NUBPL: variants seen among roughly 807,000 people sequenced by gnomAD.
NUBPL encodes NUBP iron-sulfur cluster assembly factor, mitochondrial.
Under a neutral mutation model 45.7 loss-of-function variants are expected in NUBPL, and 31 were observed. The observed-to-expected ratio is 0.68, with a 90% CI of 0.51 to 0.92. NUBPL has a LOEUF of 0.92. NUBPL is among the 40% of genes least tolerant of loss of function. The pLI is 0.00. For synonymous variants in NUBPL, 144 were observed against 140.9 expected (o/e 1.02, Z -0.15); for missense variants, 401 against 398.7 (o/e 1.01, Z -0.05).
At chr14:31,789,304 C>T (rs60169988) in intron 7 of NUBPL, among the ~76,000 whole-genome samples, 8,316 of 140,106 alleles carry the variant, frequency 0.059, 689 homozygotes, top group African/African-American at 0.19. Flanking sequence ...CCAGCCTGGG[C>T]GACAGAGTGA....
intron 3 of NUBPL, among the ~76,000 whole-genome samples, chr14:31,582,748 A>T (rs1421779741): frequency 6.6e-6 from 1 of 152,206 alleles, no homozygotes; most frequent in Non-Finnish European, 1.5e-5. Flanking sequence ...TATAAACGAT[A>T]CATGTTTTGA....
intron 4 of NUBPL, among the ~76,000 whole-genome samples, chr14:31,629,335 A>G (rs2035284475): frequency 6.6e-6 from 1 of 152,222 alleles, no homozygotes; most frequent in African/African-American, 2.4e-5. Flanking sequence ...GTCTAATGTC[A>G]GGAAATACCT....
chr14:31,681,644 G>T (rs2139834278), intron 6 of NUBPL, among the ~76,000 whole-genome samples: 1 of 151,718 alleles, frequency 6.6e-6, no homozygotes, highest in African/African-American at 2.4e-5. Context: ...TTAAATAATT[G>T]ATTTAAATTT....
chr14:31,699,964 T>C (rs1040331279), intron 6 of NUBPL, among the ~76,000 whole-genome samples: 1 of 152,196 alleles, frequency 6.6e-6, no homozygotes, highest in Non-Finnish European at 1.5e-5. Flanking sequence ...GTTAAGTATG[T>C]GAGGTGATGA....
At chr14:31,849,253 C>T (rs927032230) in intron 9 of NUBPL, among the ~76,000 whole-genome samples, 6 of 152,154 alleles carry the variant, frequency 3.9e-5, no homozygotes, top group Admixed American at 3.9e-4. Context: ...GCACCACATA[C>T]ACGTATGTTT....
In NUBPL at chr14:31,690,772, CAGA is replaced by C. The variant is rs2037075375; in HGVS notation, c.513+17199_513+17201del. ...ATAAAAGATGAGGGATGAAGGGTTTCAGATATGCACCTCAGAGAAATTCAAGAC... is the reference window on the plus strand; with the variant it reads ...ATAAAAGATGAGGGATGAAGGGTTTCTATGCACCTCAGAGAAATTCAAGAC... On this transcript the variant is annotated intron_variant, in intron 6 of 10. Coordinates refer to ENST00000281081, the MANE Select transcript of NUBPL (RefSeq NM_025152.3). Among the ~76,000 whole-genome samples, 3 of 152,222 alleles carry C rather than the reference CAGA, an allele frequency of 2.0e-5. No homozygotes were observed. In the South Asian group the frequency reaches 6.2e-4, roughly 32 times the overall value.
chr14:31,705,896 G>A (rs1002902967), intron 6 of NUBPL, among the ~76,000 whole-genome samples: 1 of 152,166 alleles, frequency 6.6e-6, no homozygotes, highest in Admixed American at 6.5e-5. Flanking sequence ...CCAGTGCAGG[G>A]CCTGCCGAGC....
intron 6 of NUBPL, among the ~76,000 whole-genome samples, chr14:31,731,656 C>T (rs2038050214): frequency 6.6e-6 from 1 of 152,202 alleles, no homozygotes; most frequent in Admixed American, 6.5e-5. Flanking sequence ...GCTTATATAG[C>T]TGGACAGCTG....
intron 4 of NUBPL, among the ~76,000 whole-genome samples, chr14:31,625,550 A>G (rs2139647100): frequency 6.8e-6 from 1 of 147,838 alleles, no homozygotes; most frequent in East Asian, 2.0e-4. Flanking sequence ...ATCTCTGCTC[A>G]CTGCAACCTC....
intron 7 of NUBPL, among the ~76,000 whole-genome samples, chr14:31,811,179 G>A (rs905345097): frequency 6.6e-6 from 1 of 152,104 alleles, no homozygotes; most frequent in Non-Finnish European, 1.5e-5. Context: ...TGCTGGGCTG[G>A]GGAAGTTCTC....
intron 4 of NUBPL, among the ~76,000 whole-genome samples, chr14:31,672,643 A>G (rs1202343241): frequency 1.3e-5 from 2 of 152,082 alleles, no homozygotes; most frequent in East Asian, 3.9e-4. Flanking sequence ...TTGTATTTTT[A>G]GTAGAGACAG....
At chr14:31,856,282 A>T (rs1027150579) in intron 10 of NUBPL, among the ~76,000 whole-genome samples, 1 of 152,084 alleles carries the variant, frequency 6.6e-6, no homozygotes, top group Admixed American at 6.5e-5. Context: ...ATTCACTGTT[A>T]TGAGAACAGC....
intron 6 of NUBPL, among the ~76,000 whole-genome samples, chr14:31,760,144 T>TGTGTGTGTGTGTGAGA: frequency 0.34 from 11,960 of 35,030 alleles, 3,336 homozygotes; most frequent in East Asian, 0.57. Context: ...TGTGTGTGTG[T>TGTGTGTGTGTGTGAGA]GAGAGAGAGA....
At chr14:31,659,313 A>C (rs1053761143) in intron 4 of NUBPL, among the ~76,000 whole-genome samples, 8 of 152,184 alleles carry the variant, frequency 5.3e-5, no homozygotes, top group Non-Finnish European at 1.0e-4. Flanking sequence ...CTTGGAGATG[A>C]CATATAGTTT....
At chr14:31,691,708 C>T (rs1275174041) in intron 6 of NUBPL, among the ~76,000 whole-genome samples, 2 of 152,086 alleles carry the variant, frequency 1.3e-5, no homozygotes, top group Non-Finnish European at 2.9e-5. Flanking sequence ...GGAAATGAGG[C>T]GAACATTAGA....
At chr14:31,706,416 A>C (rs2037453638) in intron 6 of NUBPL, among the ~76,000 whole-genome samples, 1 of 152,240 alleles carries the variant, frequency 6.6e-6, no homozygotes, top group African/African-American at 2.4e-5. Context: ...AAATTTGACA[A>C]GAAGGTTAAA....
chr14:31,775,337 C>CA (rs2039079863), intron 6 of NUBPL, among the ~76,000 whole-genome samples: 1 of 152,168 alleles, frequency 6.6e-6, no homozygotes, highest in South Asian at 2.1e-4. Context: ...AGACTCGCTT[C>CA]AACCTGGGAG....
At chr14:31,638,068 G>C (rs569585285) in intron 4 of NUBPL, among the ~76,000 whole-genome samples, 1,551 of 152,108 alleles carry the variant, frequency 0.01, 27 homozygotes, top group African/African-American at 0.036. Context: ...TCTTTTAATT[G>C]GAGCATTTAG....
chr14:31,841,344 T>A (rs2040366607), intron 8 of NUBPL, among the ~76,000 whole-genome samples: 1 of 152,220 alleles, frequency 6.6e-6, no homozygotes. Context: ...TCACAAACAT[T>A]TGATATAATT....
Sources: gnomAD v4.1 joint callset for allele counts (sites outside exome capture counted in the v4.1 genomes callset) on GRCh38, gnomAD v4.1.1 for gene constraint, MANE v1.5 for transcripts, NCBI Gene and HGNC (gene_info 2026-07-23, HGNC 2026-07-21) for gene names.